ABI1: variants seen among roughly 807,000 people sequenced by gnomAD.
ABI1 encodes abl interactor 1, also known as Abelson interactor 1.
A neutral mutation model predicts 54.6 loss-of-function variants in ABI1; 14 were observed. The ratio of observed to expected loss-of-function variants is 0.26; its 90% CI spans 0.17 to 0.40. The LOEUF is 0.40. Among genes scored for constraint, ABI1 ranks in the 10% least tolerant of loss-of-function variants. The pLI is 1.00. For missense variants in ABI1, 443 were observed against 598.3 expected (o/e 0.74, Z 2.71); for synonymous variants, 194 against 209.3 (o/e 0.93, Z 0.63).
At chr10:26,840,938 A>G (rs2049451800) in intron 1 of ABI1, among the ~76,000 whole-genome samples, 1 of 152,334 alleles carries the variant, frequency 6.6e-6, no homozygotes, top group East Asian at 1.9e-4. Flanking sequence ...ATTAGATTCT[A>G]GCATAGTAAT....
chr10:26,760,888 CAAAAAAAAAAAAAAAA>C (rs57750390), intron 7 of ABI1, among the ~76,000 whole-genome samples: 1 of 49,444 alleles, frequency 2.0e-5, no homozygotes, highest in East Asian at 6.6e-4. Context: ...GACTCCATCT[CAAAAAAAAAAAAAAAA>C]AAAAAAAAAA....
At chr10:26,814,370 T>C (rs559678701) in intron 2 of ABI1, among the ~76,000 whole-genome samples, 2 of 152,306 alleles carry the variant, frequency 1.3e-5, no homozygotes, top group South Asian at 4.1e-4. Context: ...ATAAACCAAA[T>C]GATCTCATGT....
At chr10:26,757,788 GA>G (rs138515958) in intron 8 of ABI1, among the ~76,000 whole-genome samples, 3,329 of 152,158 alleles carry the variant, frequency 0.022, 88 homozygotes, top group African/African-American at 0.07. Flanking sequence ...AAACTAATGA[GA>G]ACTTTCAGTG....
chr10:26,758,068 C>CAAAAA (rs71403888), intron 8 of ABI1, among the ~76,000 whole-genome samples: 1 of 67,406 alleles, frequency 1.5e-5, no homozygotes, highest in Non-Finnish European at 2.9e-5. Flanking sequence ...AACTCTGTCT[C>CAAAAA]AAAAAAAAAA....
In ABI1 at chr10:26,848,220, A is replaced by AAAG. The variant is rs752764818; in HGVS notation, c.117+12524_117+12526dup. 2.9e-3 allele frequency among the ~76,000 whole-genome samples: 400 copies of AAAG among 139,314 alleles called. 5 individuals are homozygous for AAAG. Among genetic ancestry groups the AAAG allele is most frequent in the Middle Eastern group, 7.8e-3 (2 of 258 alleles). 91.4% of individuals were successfully genotyped at this position (139,314 alleles called of 152,430 possible). A position where few individuals can be genotyped will look rare whatever the true frequency, so the allele number is the denominator to read the frequency against. On this transcript the variant is annotated intron_variant, in intron 1 of 10. Transcript: ENST00000376140. ...TGTCTCAAAAAAAAAAAAAAAAAAAAAAGAAGAAGAAGAAGAAGAAGATGT... is the reference window on the plus strand; with the variant it reads ...TGTCTCAAAAAAAAAAAAAAAAAAAAAAGAAGAAGAAGAAGAAGAAGAAGATGT...
At chr10:26,830,250 T>C (rs1373295513) in intron 1 of ABI1, among the ~76,000 whole-genome samples, 1 of 152,168 alleles carries the variant, frequency 6.6e-6, no homozygotes, top group Non-Finnish European at 1.5e-5. Context: ...TGTGGAGGTA[T>C]GTTTTCATTT....
chr10:26,828,121 G>A (rs1236138987), intron 1 of ABI1, among the ~76,000 whole-genome samples: 1 of 152,190 alleles, frequency 6.6e-6, no homozygotes, highest in Non-Finnish European at 1.5e-5. Context: ...GGCCAACATA[G>A]GGTTATGAAT....
chr10:26,822,235 C>T (rs118099221), intron 2 of ABI1, among the ~76,000 whole-genome samples: 1 of 152,202 alleles, frequency 6.6e-6, no homozygotes, highest in Non-Finnish European at 1.5e-5. Flanking sequence ...ATAAAATTCA[C>T]CACCCATTCC....
intron 2 of ABI1, among the ~76,000 whole-genome samples, chr10:26,811,575 TA>T (rs896348311): frequency 6.6e-6 from 1 of 152,152 alleles, no homozygotes; most frequent in Non-Finnish European, 1.5e-5. Context: ...AAGCTGAAGA[TA>T]AAAAATACTA....
At chr10:26,840,758 AAAT>A (rs2049438746) in intron 1 of ABI1, among the ~76,000 whole-genome samples, 1 of 152,314 alleles carries the variant, frequency 6.6e-6, no homozygotes, top group South Asian at 2.1e-4. Flanking sequence ...AAGAGACAAA[AAAT>A]AATAATTTAT....
At chr10:26,758,305 C>A (rs1284629908) in intron 8 of ABI1, among the ~76,000 whole-genome samples, 1 of 152,116 alleles carries the variant, frequency 6.6e-6, no homozygotes, top group African/African-American at 2.4e-5. Context: ...ACTTTTTAAG[C>A]TAAAAGCAAA....
intron 1 of ABI1, among the ~76,000 whole-genome samples, chr10:26,825,301 G>A (rs2048238788): frequency 6.6e-6 from 1 of 152,184 alleles, no homozygotes; most frequent in South Asian, 2.1e-4. Flanking sequence ...TGAGGCAGGA[G>A]AATTGCTTAA....
intron 1 of ABI1, among the ~76,000 whole-genome samples, chr10:26,830,011 C>A (rs552845087): frequency 2.6e-5 from 4 of 152,304 alleles, no homozygotes; most frequent in African/African-American, 9.6e-5. Flanking sequence ...CTTTCTGTCA[C>A]AACAGTTTTG....
intron 1 of ABI1, among the ~76,000 whole-genome samples, chr10:26,829,361 G>A (rs1302433164): frequency 1.3e-5 from 2 of 152,068 alleles, no homozygotes; most frequent in Non-Finnish European, 2.9e-5. Context: ...TCCGTATAGT[G>A]ATGCACCTAA....
chr10:26,831,732 TA>T (rs11354892), intron 1 of ABI1, among the ~76,000 whole-genome samples: 87,249 of 151,992 alleles, frequency 0.57, 27,231 homozygotes, highest in African/African-American at 0.83. Context: ...AGGTATCTTG[TA>T]AAAAAAATCC....
At chr10:26,840,088 G>A (rs1445454304) in intron 1 of ABI1, among the ~76,000 whole-genome samples, 1 of 152,158 alleles carries the variant, frequency 6.6e-6, no homozygotes, top group African/African-American at 2.4e-5. Flanking sequence ...CCTCACTGCT[G>A]TAGTTTAGAT....
chr10:26,853,529 CTTTTTTTT>C (rs535088026), intron 1 of ABI1, among the ~76,000 whole-genome samples: 1 of 130,850 alleles, frequency 7.6e-6, no homozygotes, highest in Non-Finnish European at 1.6e-5. Flanking sequence ...TTTTACCTTA[CTTTTTTTT>C]TTTTTTTTTT....
intron 2 of ABI1, among the ~76,000 whole-genome samples, chr10:26,780,957 G>A (rs1477268400): frequency 1.3e-5 from 2 of 152,158 alleles, no homozygotes; most frequent in Non-Finnish European, 2.9e-5. Context: ...GTGTATAGTG[G>A]TATTGATATT....
intron 2 of ABI1, among the ~76,000 whole-genome samples, chr10:26,805,381 T>G (rs1427655947): frequency 6.7e-6 from 1 of 149,890 alleles, no homozygotes. Flanking sequence ...TAGCTGTTTA[T>G]ACTCAAGCTC....
Sources: gnomAD v4.1 joint callset for allele counts (sites outside exome capture counted in the v4.1 genomes callset) on GRCh38, gnomAD v4.1.1 for gene constraint, MANE v1.5 for transcripts, NCBI Gene and HGNC (gene_info 2026-07-23, HGNC 2026-07-21) for gene names.